The following RGS6 variants were observed in gnomAD, a reference collection of about 807,000 sequenced individuals.
RGS6 encodes regulator of G protein signaling 6, also known as regulator of G-protein signaling 6.
In RGS6, 30 loss-of-function variants were observed where a neutral mutation model predicts 78.5. That is an observed-to-expected ratio of 0.38 (90% CI 0.29 to 0.52). The LOEUF (loss-of-function observed/expected upper bound fraction) is 0.52. RGS6 is among the 20% of genes least tolerant of loss of function. RGS6 has a pLI of 0.85. For missense variants in RGS6, 495 were observed against 609.7 expected (o/e 0.81, Z 1.98); for synonymous variants, 206 against 206.0 (o/e 1.00, Z 0.00).
chr14:72,538,056 C>T lies in RGS6; in HGVS notation c.1368+1781C>T, dbSNP rs116195170. 3.9e-3 allele frequency among the ~76,000 whole-genome samples: 588 copies of T among 152,306 alleles called. 3 individuals are homozygous for T. The highest frequency in any genetic ancestry group is 0.014 in the African/African-American group (575 of 41,560). ...AAGGGATGTTCTTGAGACAGAAAGC[C>T]CTTGCAGATACCAACAACGTCTCAA... is the stretch of plus-strand genomic sequence containing the variant. On this transcript the variant is annotated intron_variant, in intron 16 of 17. Transcript: ENST00000553525.
At chr14:72,571,527 T>C (rs1393729020), downstream of RGS6, among the ~76,000 whole-genome samples, 2 of 152,366 alleles carry the variant, frequency 1.3e-5, no homozygotes, top group East Asian at 3.9e-4. Flanking sequence ...CATGCGTTTA[T>C]AGCCAACTGA....
At chr14:72,175,650 G>A (rs766433891) in intron 2 of RGS6, among the ~76,000 whole-genome samples, 7 of 152,192 alleles carry the variant, frequency 4.6e-5, no homozygotes, top group African/African-American at 7.2e-5. Context: ...ATGAAACAAA[G>A]CAGTGCACAA....
At chr14:71,977,682 G>A (rs1217982822) in intron 2 of RGS6, among the ~76,000 whole-genome samples, 5 of 150,920 alleles carry the variant, frequency 3.3e-5, no homozygotes, top group Non-Finnish European at 4.5e-5. Context: ...AGTATAGTTT[G>A]AAGTCAGGTA....
At chr14:72,509,292 C>A (rs999672471) in intron 13 of RGS6, among the ~76,000 whole-genome samples, 1 of 149,780 alleles carries the variant, frequency 6.7e-6, no homozygotes, top group Non-Finnish European at 1.5e-5. Context: ...TTGAACCCGG[C>A]GGGCAGAGGT....
chr14:72,459,591 A>T, intron 5 of RGS6, 41 bp from the exon 6 acceptor site: 10 of 1,607,090 alleles, frequency 6.2e-6, no homozygotes, highest in Non-Finnish European at 8.5e-6. Flanking sequence ...AAGCGCAGGC[A>T]TGGCGCGCCC....
rs138211471 is a variant in RGS6 at position 72,402,988 on chromosome 14, G to A, written c.184+50794G>A. ...ATCTTTTTAGTTGAGATGGGGTTTCGCCATGTTAGCCAGGCTGGTCTTGAA... is the reference window on the plus strand; with the variant it reads ...ATCTTTTTAGTTGAGATGGGGTTTCACCATGTTAGCCAGGCTGGTCTTGAA... On this transcript the variant is annotated intron_variant, in intron 3 of 17. Coordinates refer to ENST00000553525, the MANE Select transcript of RGS6 (RefSeq NM_001204424.2). 6.7e-3 allele frequency among the ~76,000 whole-genome samples: 1,018 copies of A among 151,716 alleles called. 4 individuals are homozygous for A. Among genetic ancestry groups the A allele is most frequent in the African/African-American group, 0.022 (930 of 41,362 alleles).
chr14:72,162,695 T>C (rs1485639119), intron 2 of RGS6, among the ~76,000 whole-genome samples: 1 of 152,110 alleles, frequency 6.6e-6, no homozygotes, highest in Non-Finnish European at 1.5e-5. Flanking sequence ...TACTTGTATA[T>C]GCATATTTAT....
At chr14:72,609,713 G>T in the RGS6 span, among the ~76,000 whole-genome samples, 1 of 152,182 alleles carries the variant, frequency 6.6e-6, no homozygotes, top group Non-Finnish European at 1.5e-5. Context: ...CAGCTAACGG[G>T]GTGGGAGGTG....
chr14:72,476,885 G>C, intron 11 of RGS6, 45 bp downstream of exon 11: 1 of 1,528,366 alleles, frequency 6.5e-7, no homozygotes, highest in Non-Finnish European at 9.1e-7. Context: ...GACGTGGCCA[G>C]TTTAAAAACC....
intron 10 of RGS6, among the ~76,000 whole-genome samples, chr14:72,475,731 A>T (rs1262339846): frequency 6.6e-6 from 1 of 151,848 alleles, no homozygotes; most frequent in African/African-American, 2.4e-5. Flanking sequence ...CTCCATCTCA[A>T]AAAAAAATTC....
At chr14:72,346,259 G>A (rs1454190116) in intron 2 of RGS6, among the ~76,000 whole-genome samples, 2 of 152,086 alleles carry the variant, frequency 1.3e-5, no homozygotes, top group Non-Finnish European at 2.9e-5. Flanking sequence ...AAAATTGAAG[G>A]AGCTAAGTAA....
At chr14:72,174,963 G>C (rs1181006934) in intron 2 of RGS6, among the ~76,000 whole-genome samples, 2 of 152,180 alleles carry the variant, frequency 1.3e-5, no homozygotes, top group African/African-American at 4.8e-5. Context: ...AGTCAGGGTG[G>C]TTGCCTGAGC....
the RGS6 span, among the ~76,000 whole-genome samples, chr14:71,902,769 C>A: frequency 6.6e-6 from 1 of 151,824 alleles, no homozygotes; most frequent in Non-Finnish European, 1.5e-5. Flanking sequence ...AGAGGCATAT[C>A]GATCCTTCAC....
chr14:71,902,769 C>T, the RGS6 span, among the ~76,000 whole-genome samples: 1 of 151,824 alleles, frequency 6.6e-6, no homozygotes, highest in Non-Finnish European at 1.5e-5. Flanking sequence ...AGAGGCATAT[C>T]GATCCTTCAC....
chr14:72,339,609 A>G (rs1187937626), intron 2 of RGS6, among the ~76,000 whole-genome samples: 1 of 152,036 alleles, frequency 6.6e-6, no homozygotes, highest in Non-Finnish European at 1.5e-5. Flanking sequence ...AATGCAGAGG[A>G]CATTTTTTGG....
chr14:72,177,155 A>G (rs894843237), intron 2 of RGS6, among the ~76,000 whole-genome samples: 4 of 151,976 alleles, frequency 2.6e-5, no homozygotes, highest in Non-Finnish European at 5.9e-5. Flanking sequence ...AGTTATTTCT[A>G]ATTTTTGTTT....
At chr14:71,965,918 G>C (rs975911875) in intron 2 of RGS6, among the ~76,000 whole-genome samples, 2 of 152,202 alleles carry the variant, frequency 1.3e-5, no homozygotes. Context: ...GCGGCAAGTA[G>C]AGGGTCAAAG....
chr14:72,373,048 G>A (rs1214949475), intron 3 of RGS6, among the ~76,000 whole-genome samples: 1 of 152,134 alleles, frequency 6.6e-6, no homozygotes, highest in Non-Finnish European at 1.5e-5. Flanking sequence ...GGTCAAGGGA[G>A]CATCATCATG....
intron 2 of RGS6, among the ~76,000 whole-genome samples, chr14:72,189,680 A>G (rs2097297700): frequency 6.6e-6 from 1 of 152,180 alleles, no homozygotes; most frequent in African/African-American, 2.4e-5. Context: ...TTTGGCATTC[A>G]ACCAGGACCA....
Sources: allele counts gnomAD v4.1 joint callset (sites outside exome capture counted in the v4.1 genomes callset), GRCh38; gene constraint gnomAD v4.1.1; transcripts MANE v1.5; gene names NCBI Gene and HGNC (gene_info 2026-07-23, HGNC 2026-07-21).